SYNJ1: variants seen among roughly 807,000 people sequenced by gnomAD.
SYNJ1 encodes synaptojanin 1.
SYNJ1 carries 78 observed loss-of-function variants against 168.2 expected under a neutral mutation model. The ratio of observed to expected loss-of-function variants is 0.46; its 90% CI spans 0.39 to 0.56. The LOEUF (loss-of-function observed/expected upper bound fraction) is 0.56. Among genes scored for constraint, SYNJ1 ranks in the 20% least tolerant of loss-of-function variants. The pLI is 0.00. For missense variants in SYNJ1, 1,303 were observed against 1,597.6 expected (o/e 0.82, Z 3.14); for synonymous variants, 539 against 548.6 (o/e 0.98, Z 0.24).
chr21:32,722,849 T>C (rs2043298170), intron 2 of SYNJ1, among the ~76,000 whole-genome samples: 1 of 152,182 alleles, frequency 6.6e-6, no homozygotes, highest in African/African-American at 2.4e-5. Flanking sequence ...TGGTTCAGCC[T>C]GACAGTTTCA....
At chr21:32,689,389 C>T (rs1026932309) in intron 6 of SYNJ1, among the ~76,000 whole-genome samples, 1 of 152,146 alleles carries the variant, frequency 6.6e-6, no homozygotes, top group South Asian at 2.1e-4. Flanking sequence ...CTCTGCCTCC[C>T]GGGTTCAGGC....
chr21:32,646,697 C>A, intron 23 of SYNJ1, 95 bp from the exon 24 acceptor site: 1 of 836,872 alleles, frequency 1.2e-6, no homozygotes, highest in East Asian at 2.6e-5. Flanking sequence ...ATACACAAAA[C>A]AAATATGAAC....
chr21:32,674,158 C>T (rs1183659860), intron 13 of SYNJ1, among the ~76,000 whole-genome samples: 1 of 152,092 alleles, frequency 6.6e-6, no homozygotes, highest in Non-Finnish European at 1.5e-5. Context: ...CTTGTTTTTC[C>T]ACCCTCATCT....
intron 1 of SYNJ1, 174 bp from the exon 2 acceptor site, chr21:32,727,091 T>A (rs892405536): frequency 5.3e-5 from 45 of 852,088 alleles, no homozygotes; most frequent in Non-Finnish European, 6.6e-5. Flanking sequence ...GTCACTTAAT[T>A]TTACCAAAAA....
At chr21:32,684,283 A>T (rs1404221035) in intron 9 of SYNJ1, among the ~76,000 whole-genome samples, 164 bp from the exon 10 acceptor site, 1 of 152,216 alleles carries the variant, frequency 6.6e-6, no homozygotes, top group Non-Finnish European at 1.5e-5. Context: ...ACATCCATAT[A>T]CCCACCATTT....
chr21:32,631,127 G>C lies in SYNJ1; in HGVS notation c.*678C>G, dbSNP rs760299495. 1.2e-5 allele frequency: 20 copies of C among 1,613,918 alleles called. No individual in the cohort carries two copies. In the South Asian group the frequency reaches 1.9e-4, roughly 15 times the overall value. On this transcript the variant is annotated 3_prime_UTR_variant, in exon 33 of 33. Coordinates refer to ENST00000674351, the MANE Select transcript of SYNJ1 (RefSeq NM_203446.3). Reference sequence around the variant, plus strand: ...GAGGTCTTCTTGACGGCAACACACAGAAGGAGACATTTGTACCTTTATTCC... The same window carrying C: ...GAGGTCTTCTTGACGGCAACACACACAAGGAGACATTTGTACCTTTATTCC...
chr21:32,669,374 G>A (rs191686837), intron 15 of SYNJ1, among the ~76,000 whole-genome samples: 2 of 152,216 alleles, frequency 1.3e-5, no homozygotes, highest in Admixed American at 6.5e-5. Flanking sequence ...TGGAAAACTT[G>A]TATCTGCTAC....
chr21:32,674,055 TG>T (rs2041308402), intron 13 of SYNJ1, among the ~76,000 whole-genome samples: 1 of 152,246 alleles, frequency 6.6e-6, no homozygotes, highest in Non-Finnish European at 1.5e-5. Context: ...CTGATATTTC[TG>T]AAAATGAAAT....
intron 15 of SYNJ1, among the ~76,000 whole-genome samples, chr21:32,667,494 A>G (rs772211586): frequency 1.3e-4 from 20 of 152,284 alleles, no homozygotes; most frequent in Non-Finnish European, 2.6e-4. Flanking sequence ...TTAAAAAAAA[A>G]TCTTCTAACA....
Position 32,666,160 on chromosome 21 carries a change from G to A in SYNJ1, c.1953-25C>T, listed in dbSNP as rs762018927. On this transcript the variant is annotated intron_variant, in intron 16 of 32. Coordinates refer to ENST00000674351, the MANE Select transcript of SYNJ1 (RefSeq NM_203446.3). ...CCTTTGAAACAAAGAATTCTAAATC[G>A]CAGATTTGAAATTTCAAGAGTTCCA... 11 of 1,570,660 alleles carry A rather than the reference G, an allele frequency of 7.0e-6. 1 individual carries two copies. The highest frequency in any genetic ancestry group is 3.4e-4 in the Middle Eastern group (2 of 5,872).
chr21:32,661,538 C>G (rs771469369), intron 18 of SYNJ1, among the ~76,000 whole-genome samples: 1 of 152,072 alleles, frequency 6.6e-6, no homozygotes, highest in Non-Finnish European at 1.5e-5. Context: ...CGAATTGGCT[C>G]ACATAACGGG....
intron 14 of SYNJ1, 76 bp from the exon 15 acceptor site, chr21:32,670,448 A>G: frequency 2.8e-6 from 3 of 1,079,578 alleles, no homozygotes; most frequent in Middle Eastern, 2.2e-4. Context: ...ACAACATAAC[A>G]CCAGGTCTCA....
intron 24 of SYNJ1, 38 bp from the exon 25 acceptor site, chr21:32,645,827 A>C: frequency 1.3e-6 from 2 of 1,514,826 alleles, no homozygotes; most frequent in Non-Finnish European, 1.8e-6. Flanking sequence ...TCAGCTTCTA[A>C]GTAGCTGTTG....
rs1294190844 is a variant in SYNJ1 at position 32,666,530 on chromosome 21, T to C, written c.1855A>G (p.Ile619Val). 2.5e-6 allele frequency: 4 copies of C among 1,614,136 alleles called. No homozygotes were observed. The highest frequency in any genetic ancestry group is 2.2e-5 in the East Asian group (1 of 44,874). ...KLWAVELQKTISRDNKYVLLA... is the reference protein window; with the variant it reads ...KLWAVELQKTVSRDNKYVLLA... ...AGCACATACTTGTTGTCTCTGGAGA[T>C]TGTCTTCTGAAGTTCTACAGCCCAG... The change falls in exon 16 of 33, where the codon ATC (isoleucine) becomes GTC (valine). Residue 619 changes from isoleucine (I) to valine (V), a missense_variant. Physicochemically the swap from Ile to Val is conservative, Grantham distance 29. Around this residue, in one of 2 missense-constraint regions of SYNJ1, gnomAD observed 920 missense variants for 1,208.8 expected, o/e 0.76. Transcript: ENST00000674351.
At chr21:32,691,433 A>G (rs1382053082) in intron 6 of SYNJ1, among the ~76,000 whole-genome samples, 1 of 152,238 alleles carries the variant, frequency 6.6e-6, no homozygotes, top group East Asian at 1.9e-4. Flanking sequence ...CCATAAGCCA[A>G]TTAAACTTCT....
intron 10 of SYNJ1, 129 bp downstream of exon 10, chr21:32,683,909 G>A: frequency 2.7e-6 from 2 of 749,030 alleles, no homozygotes; most frequent in East Asian, 5.5e-5. Context: ...AAGAGACAGA[G>A]ATTAGAAGTA....
intron 29 of SYNJ1, 103 bp from the exon 30 acceptor site, chr21:32,639,882 A>T: frequency 1.1e-6 from 1 of 879,936 alleles, no homozygotes; most frequent in Non-Finnish European, 1.7e-6. Flanking sequence ...CTTCTATGGT[A>T]TTAGTCCCTA....
chr21:32,719,712 T>G (rs2043150118), intron 2 of SYNJ1, among the ~76,000 whole-genome samples: 1 of 148,118 alleles, frequency 6.8e-6, no homozygotes, highest in African/African-American at 2.5e-5. Context: ...AAACTCCATC[T>G]TAAAAAAAAA....
intron 2 of SYNJ1, among the ~76,000 whole-genome samples, chr21:32,723,852 T>C (rs949307812): frequency 1.3e-5 from 2 of 151,616 alleles, no homozygotes; most frequent in Non-Finnish European, 1.5e-5. Context: ...AAAAAAGAAG[T>C]ATGCACCTTG....
Sources: gnomAD v4.1 joint callset for allele counts (sites outside exome capture counted in the v4.1 genomes callset) on GRCh38, gnomAD v4.1.1 for gene constraint, gnomAD v4.1.1 regional missense constraint, MANE v1.5 for transcripts, NCBI Gene and HGNC (gene_info 2026-07-23, HGNC 2026-07-21) for gene names.